NDST4: variants seen among roughly 807,000 people sequenced by gnomAD.
NDST4 encodes the protein N-heparan sulfate sulfotransferase 4.
In NDST4, 63 loss-of-function variants were observed where a neutral mutation model predicts 100.8. That is an observed-to-expected ratio of 0.62 (90% CI 0.51 to 0.77). The LOEUF (loss-of-function observed/expected upper bound fraction) is 0.77, where lower values mean the gene tolerates loss of function less well. NDST4 is among the 30% of genes least tolerant of loss of function. The pLI is 0.00. For missense variants in NDST4, 943 were observed against 1,018.4 expected (o/e 0.93, Z 1.01); for synonymous variants, 377 against 361.8 (o/e 1.04, Z -0.48).
At chr4:115,023,992 C>T (rs1727922803) in intron 2 of NDST4, among the ~76,000 whole-genome samples, 1 of 152,108 alleles carries the variant, frequency 6.6e-6, no homozygotes, top group Admixed American at 6.6e-5. Context: ...TGTGGCTTGG[C>T]CTGCCACACT....
chr4:114,923,791 C>T (rs1312276906), intron 6 of NDST4, among the ~76,000 whole-genome samples: 2 of 151,726 alleles, frequency 1.3e-5, no homozygotes, highest in African/African-American at 2.4e-5. Flanking sequence ...TGTGCTTTTG[C>T]TGTTGAAAGT....
At chr4:115,075,975 A>T in intron 2 of NDST4, 84 bp downstream of exon 2, 1 of 1,463,760 alleles carries the variant, frequency 6.8e-7, no homozygotes, top group Non-Finnish European at 9.1e-7. Flanking sequence ...AACTTTAGGG[A>T]TTAATAATCT....
chr4:114,853,090 T>C (rs72893342), intron 7 of NDST4, among the ~76,000 whole-genome samples: 5,765 of 152,234 alleles, frequency 0.038, 334 homozygotes, highest in African/African-American at 0.13. Flanking sequence ...TACTACTCTA[T>C]TTCTTGGTTT....
At chr4:115,049,733 G>A (rs1295564323) in intron 2 of NDST4, among the ~76,000 whole-genome samples, 1 of 152,100 alleles carries the variant, frequency 6.6e-6, no homozygotes, top group Admixed American at 6.6e-5. Flanking sequence ...CAATTTGGAT[G>A]ATGAGGGCCA....
At chr4:115,090,081 T>C (rs1379040316) in intron 1 of NDST4, among the ~76,000 whole-genome samples, 4 of 151,898 alleles carry the variant, frequency 2.6e-5, no homozygotes, top group Admixed American at 1.3e-4. Flanking sequence ...TATTTTTAAA[T>C]ACAATGATAA....
chr4:115,033,597 C>T (rs1728170278), intron 2 of NDST4, among the ~76,000 whole-genome samples: 1 of 151,674 alleles, frequency 6.6e-6, no homozygotes, highest in African/African-American at 2.4e-5. Flanking sequence ...TTCCCCAAAA[C>T]CAATTTTATT....
chr4:115,040,439 T>C (rs1728326175), intron 2 of NDST4, among the ~76,000 whole-genome samples: 1 of 151,362 alleles, frequency 6.6e-6, no homozygotes, highest in African/African-American at 2.4e-5. Context: ...GTTCATATCA[T>C]GAGATATGGT....
intron 2 of NDST4, among the ~76,000 whole-genome samples, chr4:115,024,313 G>A (rs1020377532): frequency 6.6e-6 from 1 of 152,152 alleles, no homozygotes; most frequent in African/African-American, 2.4e-5. Flanking sequence ...CTGCAGACAG[G>A]AAACTCCACC....
At chr4:115,009,359 A>G (rs1192389689) in intron 2 of NDST4, among the ~76,000 whole-genome samples, 2 of 128,104 alleles carry the variant, frequency 1.6e-5, no homozygotes, top group Non-Finnish European at 3.3e-5. Context: ...GGAACAGAAC[A>G]GAGCCCTCAG....
chr4:114,856,900 G>A (rs923488622), intron 7 of NDST4, among the ~76,000 whole-genome samples: 2 of 152,212 alleles, frequency 1.3e-5, no homozygotes, highest in Non-Finnish European at 2.9e-5. Context: ...TCATAGCAAA[G>A]TGTAAGTTGT....
rs148745383 is a variant in NDST4, at chr4:114,829,815, C to T, written c.2474G>A (p.Arg825Gln). Residue 825 changes from arginine to glutamine, a missense_variant, in exon 13 of 14, where the codon CGA (arginine) becomes CAA (glutamine). Around this residue, in one of 2 missense-constraint regions of NDST4, gnomAD observed 526 missense variants for 634.1 expected, o/e 0.83. Coordinates refer to ENST00000264363, the MANE Select transcript of NDST4 (RefSeq NM_022569.3). ...CTCTGGATCCATAGGTGGATATTTT[C>T]GGCCTTTGCTTTTTCCAAGGCATTT... ...KTKCLGKSKG[R>Q]KYPPMDPESR... 1.0e-4 allele frequency: 163 copies of T among 1,610,758 alleles called. No individual in the cohort carries two copies. The highest frequency in any genetic ancestry group is 1.6e-4 in the East Asian group (7 of 44,598).
intron 2 of NDST4, among the ~76,000 whole-genome samples, chr4:115,065,221 C>G (rs925554268): frequency 6.6e-6 from 1 of 151,964 alleles, no homozygotes; most frequent in Non-Finnish European, 1.5e-5. Flanking sequence ...TCTGTCTTAG[C>G]TACTTTCCAC....
intron 6 of NDST4, among the ~76,000 whole-genome samples, chr4:114,917,512 G>A (rs924807980): frequency 4.0e-5 from 6 of 151,818 alleles, no homozygotes; most frequent in African/African-American, 1.5e-4. Flanking sequence ...TTTGGAACTC[G>A]ACTTTCATGC....
intron 1 of NDST4, among the ~76,000 whole-genome samples, chr4:115,109,921 C>T (rs1729910985): frequency 1.3e-5 from 2 of 151,818 alleles, no homozygotes; most frequent in Non-Finnish European, 2.9e-5. Context: ...GTTATATCAG[C>T]AAACATGTTT....
chr4:115,054,534 T>C (rs1008770235), intron 2 of NDST4, among the ~76,000 whole-genome samples: 1 of 152,144 alleles, frequency 6.6e-6, no homozygotes, highest in East Asian at 1.9e-4. Context: ...GAAGAAATAT[T>C]GTCACCAATT....
intron 4 of NDST4, among the ~76,000 whole-genome samples, chr4:114,965,942 A>G (rs1726370249): frequency 6.6e-6 from 1 of 151,914 alleles, no homozygotes; most frequent in South Asian, 2.1e-4. Flanking sequence ...GCCTTCATTC[A>G]TCTATTGTTG....
intron 2 of NDST4, among the ~76,000 whole-genome samples, chr4:115,067,192 C>G (rs573712534): frequency 2.6e-5 from 4 of 152,200 alleles, no homozygotes; most frequent in African/African-American, 9.6e-5. Flanking sequence ...GGCCATCCAC[C>G]CAATTCTTGC....
chr4:114,948,237 G>A (rs956890762), intron 4 of NDST4, among the ~76,000 whole-genome samples: 2 of 151,798 alleles, frequency 1.3e-5, no homozygotes, highest in Non-Finnish European at 2.9e-5. Flanking sequence ...TAAACATTTG[G>A]TATATGCATG....
intron 2 of NDST4, among the ~76,000 whole-genome samples, chr4:115,011,818 T>C (rs1727553600): frequency 6.6e-6 from 1 of 151,970 alleles, no homozygotes; most frequent in South Asian, 2.1e-4. Flanking sequence ...AAAGCATATT[T>C]ATTGTACAAT....
Sources: allele counts gnomAD v4.1 joint callset (sites outside exome capture counted in the v4.1 genomes callset), GRCh38; gene constraint gnomAD v4.1.1; regional missense constraint gnomAD v4.1.1; transcripts MANE v1.5; gene names NCBI Gene and HGNC (gene_info 2026-07-23, HGNC 2026-07-21).